TPM4: variants seen among roughly 807,000 people sequenced by gnomAD.
The protein encoded by TPM4 is tropomyosin 4, also known as tropomyosin alpha-4 chain.
A neutral mutation model predicts 35.8 loss-of-function variants in TPM4; 17 were observed. That is an observed-to-expected ratio of 0.47 (90% CI 0.32 to 0.71). TPM4 has a LOEUF of 0.71. TPM4 is among the 30% of genes least tolerant of loss of function. The pLI, the probability that TPM4 is intolerant of heterozygous loss-of-function variation, is 0.03. For missense variants in TPM4, 240 were observed against 320.9 expected, an observed-to-expected ratio of 0.75 and a Z score of 1.93; for synonymous variants, 120 against 122.9, an observed-to-expected ratio of 0.98 and a Z score of 0.15.
upstream of TPM4, chr19:16,074,227 G>A (rs769855319): frequency 6.6e-6 from 1 of 152,172 alleles, no homozygotes; most frequent in Non-Finnish European, 1.5e-5. Context: ...CCTAGTGTGA[G>A]GAACAGGGCC....
upstream of TPM4, chr19:16,076,185 G>T (rs1324470175): frequency 6.4e-7 from 1 of 1,553,764 alleles, no homozygotes; most frequent in African/African-American, 1.4e-5. Flanking sequence ...ACGTGTGCAG[G>T]GATGCGGGAG....
At chr19:16,071,849 C>T (rs2090359460), upstream of TPM4, among the ~76,000 whole-genome samples, 1 of 152,226 alleles carries the variant, frequency 6.6e-6, no homozygotes, top group Non-Finnish European at 1.5e-5. Flanking sequence ...ACATCCTCCA[C>T]CACTGGCCTT....
chr19:16,092,170 T>G (rs960914058), intron 5 of TPM4, among the ~76,000 whole-genome samples: 4 of 131,512 alleles, frequency 3.0e-5, no homozygotes, highest in Non-Finnish European at 6.3e-5. Flanking sequence ...AGAGCAAGAT[T>G]CTGTCTGAAA....
chr19:16,077,019 T>A (rs1397577264), intron 1 of TPM4: 4 of 282,518 alleles, frequency 1.4e-5, no homozygotes, highest in African/African-American at 2.2e-5. Flanking sequence ...AGGGGGCGTA[T>A]CGTGCAGGCT....
At chr19:16,076,408 T>C (rs1490309772), upstream of TPM4, 3 of 1,359,760 alleles carry the variant, frequency 2.2e-6, no homozygotes, top group Non-Finnish European at 2.8e-6. Context: ...GGTGACCTCA[T>C]CGCCCCGACG....
At chr19:16,098,425 C>T (rs542134965) in intron 7 of TPM4, among the ~76,000 whole-genome samples, 9 of 151,332 alleles carry the variant, frequency 5.9e-5, no homozygotes, top group East Asian at 1.9e-4. Context: ...CCAGCCTGGG[C>T]GACAGAGTGA....
At chr19:16,077,746 A>T (rs4808451) in intron 1 of TPM4, among the ~76,000 whole-genome samples, 1 of 151,460 alleles carries the variant, frequency 6.6e-6, no homozygotes, top group African/African-American at 2.4e-5. Flanking sequence ...TTTGTAAATA[A>T]TCAATTGTGT....
intron 5 of TPM4, among the ~76,000 whole-genome samples, chr19:16,092,334 G>A (rs1271097527): frequency 6.6e-6 from 1 of 152,084 alleles, no homozygotes; most frequent in Non-Finnish European, 1.5e-5. Flanking sequence ...GAAGGTGGTG[G>A]AGAATGGGGT....
At chr19:16,076,013 C>T (rs2090400321), upstream of TPM4, 3 of 1,590,106 alleles carry the variant, frequency 1.9e-6, no homozygotes, top group Admixed American at 5.3e-5. Context: ...ACCCCCCCCC[C>T]AGGCTGACCC....
chr19:16,084,450 G>A (rs756783887), intron 2 of TPM4, among the ~76,000 whole-genome samples: 24 of 152,210 alleles, frequency 1.6e-4, no homozygotes, highest in Non-Finnish European at 3.4e-4. Context: ...GTTCCTGGCT[G>A]TGCCTGTGGC....
Position 16,090,318 on chromosome 19 carries a change from A to G in TPM4, c.531+1198A>G, listed in dbSNP as rs1186918496. ...TTTTTTTTTTTATAGAGCACAGTCT[A>G]TGTTGCCTAGGCTGGTCTTAAACTC... On this transcript the variant is annotated intron_variant, in intron 5 of 7. Coordinates refer to ENST00000643579, the MANE Select transcript of TPM4 (RefSeq NM_003290.3). Among the ~76,000 whole-genome samples, 12 of 146,630 alleles carry G rather than the reference A, an allele frequency of 8.2e-5. No homozygotes were observed. In the South Asian group the frequency reaches 8.5e-4, roughly 10 times the overall value.
intron 7 of TPM4, among the ~76,000 whole-genome samples, chr19:16,098,276 C>G (rs951117938): frequency 6.6e-6 from 1 of 152,086 alleles, no homozygotes; most frequent in East Asian, 1.9e-4. Context: ...AACTCTGTCT[C>G]TACTAAAAAT....
chr19:16,097,543 G>T (rs1171441017), intron 7 of TPM4, among the ~76,000 whole-genome samples: 1 of 152,038 alleles, frequency 6.6e-6, no homozygotes, highest in Non-Finnish European at 1.5e-5. Context: ...CAAAGTGCTG[G>T]GATTACAGGT....
At chr19:16,073,289 T>C (rs1418349837), upstream of TPM4, among the ~76,000 whole-genome samples, 1 of 152,218 alleles carries the variant, frequency 6.6e-6, no homozygotes, top group Non-Finnish European at 1.5e-5. Context: ...GAGTCCTGTG[T>C]TGGGCACACA....
At position 16,092,175 on chromosome 19, in the gene TPM4, C is replaced by G. The variant is rs559525999; in HGVS notation, c.532-1361C>G. Among the ~76,000 whole-genome samples, 19 of 110,828 alleles carry G rather than the reference C, an allele frequency of 1.7e-4. No homozygotes were observed. The South Asian group carries it at 5.5e-3, about 32-fold the overall frequency. The allele number at this position is 110,828 out of a possible 152,430, so 72.7% of individuals were successfully genotyped here. On this transcript the variant is annotated intron_variant, in intron 5 of 7. Transcript: ENST00000643579. ...CCTGGGTGACAGAGCAAGATTCTGTCTGAAAAAAAAAAAAAAGAAAAGAAA... is the reference window on the plus strand; with the variant it reads ...CCTGGGTGACAGAGCAAGATTCTGTGTGAAAAAAAAAAAAAAGAAAAGAAA...
In TPM4 at chr19:16,070,562, C is replaced by T. The variant is rs879443261; in HGVS notation, c.114+2824C>T. Among the ~76,000 whole-genome samples, 5 of 152,198 alleles carry T rather than the reference C, an allele frequency of 3.3e-5. No homozygotes were observed. Among genetic ancestry groups the T allele is most frequent in the South Asian group, 2.1e-4 (1 of 4,832 alleles). Reference sequence around the variant, plus strand: ...GGCCATGTTTGAGTCATGGCTCAGTCGCTAGGTGTCCCGGACGCCTGCATG... The same window carrying T: ...GGCCATGTTTGAGTCATGGCTCAGTTGCTAGGTGTCCCGGACGCCTGCATG... On this transcript the variant is annotated intron_variant, in intron 2 of 2. Transcript: ENST00000589897. This position sits in a 1 kb window ranked among gnomAD's most constrained non-coding sequence, Gnocchi z 7.4.
At chr19:16,076,311 C>T, upstream of TPM4, 1 of 1,507,622 alleles carries the variant, frequency 6.6e-7, no homozygotes, top group Non-Finnish European at 8.8e-7. Context: ...CAAATAAGTC[C>T]CGAAAAGGGG....
At chr19:16,074,623 T>C (rs933522718), upstream of TPM4, 2 of 152,222 alleles carry the variant, frequency 1.3e-5, no homozygotes, top group Admixed American at 6.5e-5. Flanking sequence ...ATTATAGGCT[T>C]ATATTCCAGA....
upstream of TPM4, chr19:16,076,023 C>T (rs2090400553): frequency 6.3e-7 from 1 of 1,598,692 alleles, no homozygotes; most frequent in Non-Finnish European, 8.5e-7. Flanking sequence ...CAGGCTGACC[C>T]GTTCCTCGCT....
Sources: allele counts gnomAD v4.1 joint callset (sites outside exome capture counted in the v4.1 genomes callset), GRCh38; gene constraint gnomAD v4.1.1; non-coding constraint Gnocchi (gnomAD v3.1); transcripts MANE v1.5; gene names NCBI Gene and HGNC (gene_info 2026-07-23, HGNC 2026-07-21).